Variants in DHRSX observed in about 807,000 individuals in gnomAD.
DHRSX encodes the protein dehydrogenase/reductase X-linked.
Under a neutral mutation model 34.0 loss-of-function variants are expected in DHRSX, and 31 were observed. The observed-to-expected ratio is 0.91, with a 90% CI of 0.69 to 1.23. The LOEUF (loss-of-function observed/expected upper bound fraction) is 1.23, where lower values mean the gene tolerates loss of function less well. DHRSX is among the 50% of genes most tolerant of loss of function. The pLI is 0.00. For synonymous variants in DHRSX, 201 were observed against 183.8 expected (o/e 1.09, Z -0.76); for missense variants, 414 against 428.1 (o/e 0.97, Z 0.29).
intron 4 of DHRSX, among the ~76,000 whole-genome samples, chrX:2,288,487 G>A (rs1467036118): frequency 1.3e-5 from 2 of 152,098 alleles, no homozygotes; most frequent in African/African-American, 2.4e-5. Flanking sequence ...CACCTGCCTC[G>A]GCCTCCCAAA....
At chrX:2,489,659 C>G in intron 1 of DHRSX, 3 of 1,612,418 alleles carry the variant, frequency 1.9e-6, no homozygotes, top group Non-Finnish European at 2.5e-6. Flanking sequence ...CGTGCTCCCC[C>G]ACCAGGAGAC....
chrX:2,231,704 C>A (rs1162129701), intron 6 of DHRSX, among the ~76,000 whole-genome samples: 2 of 148,716 alleles, frequency 1.3e-5, no homozygotes, highest in East Asian at 2.0e-4. Context: ...TTTTCACTCT[C>A]TATTCCTCTT....
chrX:2,299,559 A>T (rs967369606), intron 3 of DHRSX, among the ~76,000 whole-genome samples: 1 of 152,142 alleles, frequency 6.6e-6, no homozygotes, highest in African/African-American at 2.4e-5. Context: ...AGACTCAAGA[A>T]GATAACCTCA....
intron 3 of DHRSX, among the ~76,000 whole-genome samples, chrX:2,401,086 T>A (rs936045293): frequency 6.7e-6 from 1 of 149,664 alleles, no homozygotes; most frequent in East Asian, 2.0e-4. Flanking sequence ...CACAAGCTAC[T>A]GGAAGAATAA....
chrX:2,311,810 G>A (rs1031632402), intron 3 of DHRSX, among the ~76,000 whole-genome samples: 1 of 152,098 alleles, frequency 6.6e-6, no homozygotes, highest in African/African-American at 2.4e-5. Flanking sequence ...TAGCTTGGAT[G>A]AGCAGCATAG....
chrX:2,359,250 G>A (rs1409802100), intron 3 of DHRSX, among the ~76,000 whole-genome samples: 1 of 152,160 alleles, frequency 6.6e-6, no homozygotes, highest in Non-Finnish European at 1.5e-5. Flanking sequence ...CCATGCCTGG[G>A]TATATACCCA....
intron 1 of DHRSX, among the ~76,000 whole-genome samples, chrX:2,476,335 C>T (rs2044677685): frequency 6.6e-6 from 1 of 151,186 alleles, no homozygotes; most frequent in South Asian, 2.1e-4. Flanking sequence ...GAGATGTTGG[C>T]TGCAGTGAGC....
chrX:2,266,161 C>T (rs759083402), intron 5 of DHRSX, among the ~76,000 whole-genome samples: 2 of 144,246 alleles, frequency 1.4e-5, no homozygotes, highest in South Asian at 4.6e-4. Flanking sequence ...CACCAGTGTA[C>T]AGCAGATGCA....
chrX:2,470,429 T>C (rs966251129), intron 1 of DHRSX, among the ~76,000 whole-genome samples: 1 of 151,598 alleles, frequency 6.6e-6, no homozygotes, highest in Non-Finnish European at 1.5e-5. Flanking sequence ...AAAAATTAAC[T>C]GGATATGGTG....
chrX:2,397,333 T>C (rs2043424662), intron 3 of DHRSX, among the ~76,000 whole-genome samples: 1 of 152,060 alleles, frequency 6.6e-6, no homozygotes, highest in Non-Finnish European at 1.5e-5. Context: ...GGAGTCTCTC[T>C]ACGCCACCCT....
At chrX:2,373,926 A>G (rs998712480) in intron 3 of DHRSX, among the ~76,000 whole-genome samples, 3 of 152,158 alleles carry the variant, frequency 2.0e-5, no homozygotes, top group African/African-American at 7.2e-5. Context: ...AAGCCACAGG[A>G]AGGAAGAAAA....
intron 3 of DHRSX, among the ~76,000 whole-genome samples, chrX:2,307,101 T>G (rs2042107538): frequency 1.3e-5 from 2 of 152,102 alleles, no homozygotes; most frequent in Admixed American, 1.3e-4. Flanking sequence ...ATGTAGTTGC[T>G]GCATATATAC....
chrX:2,407,945 T>C (rs937561539), intron 3 of DHRSX, among the ~76,000 whole-genome samples: 62 of 151,994 alleles, frequency 4.1e-4, no homozygotes, highest in Non-Finnish European at 1.0e-4. Context: ...AAAAATAAAA[T>C]AATAAATAAA....
intron 1 of DHRSX, among the ~76,000 whole-genome samples, chrX:2,437,698 A>AGT (rs57675169): frequency 2.5e-4 from 25 of 98,838 alleles, no homozygotes; most frequent in African/African-American, 6.0e-4. Context: ...AGAGAGAGAG[A>AGT]GTGTGTGTGT....
intron 6 of DHRSX, among the ~76,000 whole-genome samples, chrX:2,226,241 T>C (rs1405254336): frequency 3.9e-5 from 6 of 152,136 alleles, no homozygotes; most frequent in Non-Finnish European, 5.9e-5. Context: ...CAGGCAATTA[T>C]ACCCACACTT....
chrX:2,322,031 T>G (rs2042317848), intron 3 of DHRSX, among the ~76,000 whole-genome samples: 2 of 152,106 alleles, frequency 1.3e-5, no homozygotes, highest in Non-Finnish European at 2.9e-5. Context: ...GTTACCTAAG[T>G]TCTTTAGTGG....
intron 2 of DHRSX, among the ~76,000 whole-genome samples, chrX:2,413,143 C>T (rs1221677328): frequency 6.6e-6 from 1 of 151,816 alleles, no homozygotes; most frequent in Non-Finnish European, 1.5e-5. Flanking sequence ...TGCAGTGAGC[C>T]GAGATTGCGC....
chrX:2,228,680 T>C (rs2015794171), intron 6 of DHRSX, among the ~76,000 whole-genome samples: 1 of 151,974 alleles, frequency 6.6e-6, no homozygotes, highest in African/African-American at 2.4e-5. Flanking sequence ...ATAAGGCAGA[T>C]ATTGTGAATT....
In DHRSX at chrX:2,471,826, C is replaced by A. The variant is rs191184793; in HGVS notation, c.109+28991G>T. Among the ~76,000 whole-genome samples the A allele has an allele frequency of 5.9e-5, 9 of 152,140 alleles. No homozygotes were observed. In the East Asian group the frequency reaches 1.7e-3, roughly 29 times the overall value. Reference sequence around the variant, plus strand: ...ATAAACAAAGGGTGGTGCATATACACTATGGAATACTACATACCCATGAAA... The same window carrying A: ...ATAAACAAAGGGTGGTGCATATACAATATGGAATACTACATACCCATGAAA... On this transcript the variant is annotated intron_variant, in intron 1 of 6. Coordinates refer to ENST00000334651, the MANE Select transcript of DHRSX (RefSeq NM_145177.3).
Sources: allele counts gnomAD v4.1 joint callset (sites outside exome capture counted in the v4.1 genomes callset), GRCh38; gene constraint gnomAD v4.1.1; transcripts MANE v1.5; gene names NCBI Gene and HGNC (gene_info 2026-07-23, HGNC 2026-07-21).